The following RIF1 variants were observed in gnomAD, a reference collection of about 807,000 sequenced individuals.
The protein encoded by RIF1 is telomere-associated protein RIF1.
Under a neutral mutation model 247.1 loss-of-function variants are expected in RIF1, and 45 were observed. The observed-to-expected ratio is 0.18, with a 90% confidence interval of 0.14 to 0.23. RIF1 has a LOEUF of 0.23. RIF1 is among the 10% of genes least tolerant of loss of function. RIF1 has a pLI of 1.00. For missense variants in RIF1, 2,967 were observed against 2,862.5 expected (o/e 1.04, Z -0.83); for synonymous variants, 1,087 against 978.8 (o/e 1.11, Z -2.06).
chr2:151,501,372 A>C, intron 11 of RIF1: 1 of 1,470,524 alleles, frequency 6.8e-7, no homozygotes, highest in Non-Finnish European at 9.3e-7. Flanking sequence ...ATGGAGTTAA[A>C]GAGCTTTCTC....
chr2:151,454,986 T>C lies in RIF1; in HGVS notation c.2436T>C (p.Tyr812=). 2 of 1,613,850 alleles carry C rather than the reference T, an allele frequency of 1.2e-6. No individual in the cohort carries two copies. The highest frequency in any genetic ancestry group is 1.3e-5 in the African/African-American group (1 of 75,034). ...SLFKLIVKVI[Y]SFHTLSFKEA... ...TTAAACTTATTGTGAAAGTGATCTA[T>C]TCTTTCCACACACTGAGCTTCAAGG... Residue 812 remains tyrosine (Y), a synonymous_variant, in exon 22 of 36, where the codon TAT becomes TAC. Coordinates refer to ENST00000444746, the MANE Select transcript of RIF1 (RefSeq NM_018151.5).
chr2:151,506,826 A>T, intron 13 of RIF1: 1 of 890,628 alleles, frequency 1.1e-6, no homozygotes, highest in Non-Finnish European at 1.8e-6. Context: ...AATTGTGTGT[A>T]TCAATATAAG....
chr2:151,449,285 A>T (rs1385399980), intron 20 of RIF1, among the ~76,000 whole-genome samples: 4 of 152,072 alleles, frequency 2.6e-5, no homozygotes, highest in African/African-American at 9.7e-5. Context: ...TTCTGCATGT[A>T]TATCTTCATT....
At chr2:151,506,838 C>CT in intron 13 of RIF1, 2 of 981,712 alleles carry the variant, frequency 2.0e-6, no homozygotes, top group Non-Finnish European at 3.2e-6. Flanking sequence ...CAATATAAGG[C>CT]TAGTATATTT....
intron 10 of RIF1, chr2:151,496,402 A>G (rs368955312): frequency 6.4e-7 from 1 of 1,574,540 alleles, no homozygotes; most frequent in Non-Finnish European, 8.7e-7. Context: ...AAAAACAACC[A>G]TGAGTAACAT....
rs749987522 is a variant in RIF1, at chr2:151,428,898, A to G, written c.901A>G (p.Ile301Val). ...KIAFIAWKSL[I>V]DNFALNPDIL... ...AGCTTTTATTGCTTGGAAGAGTTTA[A>G]TAGATAATTTTGCTTTAAATCCAGG... The change falls in exon 9 of 36, where the codon ATA (isoleucine) becomes GTA (valine). Residue 301 changes from isoleucine to valine, a missense_variant. Coordinates refer to ENST00000444746, the MANE Select transcript of RIF1 (RefSeq NM_018151.5). 1.3e-5 allele frequency: 20 copies of G among 1,503,114 alleles called. No individual in the cohort carries two copies. The highest frequency in any genetic ancestry group is 4.1e-5 in the African/African-American group (3 of 72,544). 93.1% of individuals were successfully genotyped at this position (1,503,114 alleles called of 1,614,324 possible).
At chr2:151,467,940 A>G (rs770035988) in intron 30 of RIF1, 60 bp from the exon 31 acceptor site, 118 of 1,500,974 alleles carry the variant, frequency 7.9e-5, no homozygotes, top group Non-Finnish European at 1.0e-4. Flanking sequence ...ATGAAAATTT[A>G]TGGTGTAATT....
chr2:151,410,443 G>GC lies in RIF1; in HGVS notation c.25dup (p.Leu9ProfsTer20). 6.2e-7 allele frequency: 1 copy of GC among 1,613,944 alleles called. No individual in the cohort carries two copies. The highest frequency in any genetic ancestry group is 8.5e-7 in the Non-Finnish European group (1 of 1,179,972). On this transcript the variant is annotated frameshift_variant, in exon 2 of 36. Transcript: ENST00000444746. LOFTEE classifies it high-confidence loss of function. ...GCCGACATGACGGCCAGGGGTCAGA[G>GC]CCCCCTCGCGCCGCTGTTGGAGACT... is the stretch of plus-strand genomic sequence containing the variant.
Position 151,462,983 on chromosome 2 carries a change from T to C in RIF1, c.3463T>C (p.Cys1155Arg). 1 of 1,613,952 alleles carries C rather than the reference T, an allele frequency of 6.2e-7. No homozygotes were observed. The highest frequency in any genetic ancestry group is 8.5e-7 in the Non-Finnish European group (1 of 1,179,884). Residue 1155 changes from cysteine to arginine, a missense_variant, in exon 30 of 36, where the codon TGT becomes CGT. Around this residue, in one of 7 missense-constraint regions of RIF1, gnomAD observed 2,028 missense variants for 1,825.6 expected, o/e 1.11. Coordinates refer to ENST00000444746, the MANE Select transcript of RIF1 (RefSeq NM_018151.5). The stretch of plus-strand genomic sequence containing the variant: ...AAAGTCCTCCCTTTCGAATAATGAG[T>C]GTGGTTCTCTTGACAAAACCAGTCC... ...LEKSSLSNNE[C>R]GSLDKTSPEM...
rs1160420031 is a variant in RIF1 at position 151,464,385 on chromosome 2, A to G, written c.4865A>G (p.Gln1622Arg). The change falls in exon 30 of 36, where the codon CAA becomes CGA. Residue 1622 changes from glutamine (Q) to arginine (R), a missense_variant. Gln to Arg is a conservative substitution (Grantham distance 43). Coordinates refer to ENST00000444746, the MANE Select transcript of RIF1 (RefSeq NM_018151.5). ...ATAAAATCTCCGATTTGCGAAAAAC[A>G]AGATGAAAGTAATACTGTAATATGT... Reference protein sequence around the residue: ...VSIKSPICEKQDESNTVICQD... With the variant: ...VSIKSPICEKRDESNTVICQD... 6.2e-7 allele frequency: 1 copy of G among 1,610,504 alleles called. No homozygotes were observed. Among genetic ancestry groups the G allele is most frequent in the Non-Finnish European group, 8.5e-7 (1 of 1,179,046 alleles).
chr2:151,503,472 G>C, intron 12 of RIF1: 1 of 1,465,002 alleles, frequency 6.8e-7, no homozygotes. Flanking sequence ...ACCCAGAAAG[G>C]TAAAATGACC....
At chr2:151,446,944 TC>T in intron 20 of RIF1, among the ~76,000 whole-genome samples, 1 of 94,560 alleles carries the variant, frequency 1.1e-5, no homozygotes, top group Non-Finnish European at 2.3e-5. Context: ...CTTTTCTCTT[TC>T]TTTTTTTTTT....
the RIF1 span, chr2:151,514,762 G>A: frequency 2.5e-6 from 3 of 1,207,290 alleles, no homozygotes; most frequent in African/African-American, 1.5e-5. Flanking sequence ...ATTAATGAGT[G>A]TCACTAGTGC....
In RIF1 at chr2:151,435,598, T is replaced by G. The variant is rs574218704; in HGVS notation, c.1195+18T>G. The G allele has an allele frequency of 1.4e-6, 2 of 1,418,896 alleles. No individual in the cohort carries two copies. Among genetic ancestry groups the G allele is most frequent in the South Asian group, 1.2e-5 (1 of 86,188 alleles). The allele number at this position is 1,418,896 out of a possible 1,614,324, so 87.9% of individuals were successfully genotyped here. A position where few individuals can be genotyped will look rare whatever the true frequency, so the allele number is the denominator to read the frequency against. ...ACACAAAGGTAAGAGGTAGATATTC[T>G]TGTTTTTTGCTTTTTTAATCAGGCT... On this transcript the variant is annotated intron_variant, in intron 11 of 35. Coordinates refer to ENST00000444746, the MANE Select transcript of RIF1 (RefSeq NM_018151.5).
At chr2:151,490,666 G>C in intron 9 of RIF1, 1 of 983,618 alleles carries the variant, frequency 1.0e-6, no homozygotes, top group Non-Finnish European at 1.5e-6. Flanking sequence ...CAGTTATTCT[G>C]ATGTAGGTTT....
Position 151,416,841 on chromosome 2 carries a change from T to G in RIF1, c.443T>G (p.Phe148Cys). 6.2e-7 allele frequency: 1 copy of G among 1,612,908 alleles called. No individual in the cohort carries two copies. Among genetic ancestry groups the G allele is most frequent in the South Asian group, 1.1e-5 (1 of 90,862 alleles). Residue 148 changes from phenylalanine to cysteine, a missense_variant, in exon 6 of 36, where the codon TTT (phenylalanine) becomes TGT (cysteine). By Grantham distance (205) the Phe-to-Cys change is radical. This residue lies in a region of RIF1 where 269 missense variants were observed against 288.6 expected (regional missense o/e 0.93). Transcript: ENST00000444746. ...ATAATTGATTCATTAGAAATACTGT[T>G]TAACAAAGGAGAGACGCATTCTGCT... ...SSIIDSLEIL[F>C]NKGETHSAVV... is the part of the protein sequence containing the mutation.
rs768210023 is a variant in RIF1 at position 151,464,592 on chromosome 2, A to G, written c.5072A>G (p.Asn1691Ser). 2.5e-6 allele frequency: 4 copies of G among 1,613,554 alleles called. No homozygotes were observed. The highest frequency in any genetic ancestry group is 3.4e-6 in the Non-Finnish European group (4 of 1,179,654). The change falls in exon 30 of 36, where the codon AAT (asparagine) becomes AGT (serine). Residue 1691 changes from asparagine (N) to serine (S), a missense_variant. Around this residue, in one of 7 missense-constraint regions of RIF1, gnomAD observed 2,028 missense variants for 1,825.6 expected, o/e 1.11. Coordinates refer to ENST00000444746, the MANE Select transcript of RIF1 (RefSeq NM_018151.5). ...KRLHKRDSFD[N>S]CSLGESSKIG... ...TTACATAAGCGAGACTCTTTTGATA[A>G]TTGTAGTTTGGGAGAATCCTCAAAA...
At chr2:151,525,835 T>C in the RIF1 span, 4 of 803,736 alleles carry the variant, frequency 5.0e-6, no homozygotes, top group Non-Finnish European at 6.7e-6. Flanking sequence ...AAGATTCACA[T>C]GTAGATATTG....
Position 151,465,366 on chromosome 2 carries a change from A to G in RIF1, c.5846A>G (p.Asn1949Ser), listed in dbSNP as rs758457149. 40 of 1,613,740 alleles carry G rather than the reference A, an allele frequency of 2.5e-5. No individual in the cohort carries two copies. Among genetic ancestry groups the G allele is most frequent in the Non-Finnish European group, 5.9e-6 (7 of 1,179,942 alleles). The change falls in exon 30 of 36, where the codon AAT becomes AGT. Residue 1949 changes from asparagine to serine, a missense_variant. By Grantham distance (46) the Asn-to-Ser change is conservative (BLOSUM62 1). This residue lies in a region of RIF1 where 2,028 missense variants were observed against 1,825.6 expected (regional missense o/e 1.11). Transcript: ENST00000444746. ...GCAGCAATAGAAGAAAATAAAAGAA[A>G]TGATGACTCTGAAGCAGACACAGCT... ...EEAAIEENKRNDDSEADTAKL... is the reference protein window; with the variant it reads ...EEAAIEENKRSDDSEADTAKL...
Sources: gnomAD v4.1 joint callset for allele counts (sites outside exome capture counted in the v4.1 genomes callset) on GRCh38, gnomAD v4.1.1 for gene constraint, gnomAD v4.1.1 regional missense constraint, MANE v1.5 for transcripts, NCBI Gene and HGNC (gene_info 2026-07-23, HGNC 2026-07-21) for gene names.